COL9A1: variants seen among roughly 807,000 people sequenced by gnomAD.
COL9A1 encodes collagen type IX alpha 1 chain.
COL9A1 carries 104 observed loss-of-function variants against 142.6 expected under a neutral mutation model. The observed-to-expected ratio is 0.73, with a 90% CI of 0.62 to 0.86. COL9A1 has a LOEUF of 0.86. Among genes scored for constraint, COL9A1 ranks in the 40% least tolerant of loss-of-function variants. The pLI is 0.00. For missense variants in COL9A1, 1,210 were observed against 1,176.6 expected (o/e 1.03, Z -0.42); for synonymous variants, 466 against 396.0 (o/e 1.18, Z -2.10).
In COL9A1 at chr6:70,300,433, A is replaced by T. The variant is rs760589615; in HGVS notation, c.89-47T>A. ...ATTCTACTTCATCCACTCTAACTTAAAGTATAATAATAATAAAATAAAATA... is the reference window on the plus strand; with the variant it reads ...ATTCTACTTCATCCACTCTAACTTATAGTATAATAATAATAAAATAAAATA... On this transcript the variant is annotated intron_variant, in intron 2 of 37. Transcript: ENST00000357250. The T allele has an allele frequency of 1.3e-5, 11 of 867,772 alleles. No individual in the cohort carries two copies. In the Admixed American group the frequency reaches 2.0e-4, roughly 16 times the overall value. 53.8% of individuals were successfully genotyped at this position (867,772 alleles called of 1,614,324 possible). A position where few individuals can be genotyped will look rare whatever the true frequency, so the allele number is the denominator to read the frequency against.
Position 70,281,410 on chromosome 6 carries a change from G to A in COL9A1, c.856C>T (p.Pro286Ser). 1 of 1,612,136 alleles carries A rather than the reference G, an allele frequency of 6.2e-7. No homozygotes were observed. Among genetic ancestry groups the A allele is most frequent in the Non-Finnish European group, 8.5e-7 (1 of 1,179,218 alleles). The change falls in exon 8 of 38, where the codon CCA (proline) becomes TCA (serine). Residue 286 changes from proline to serine, a missense_variant. Transcript: ENST00000357250. ...CTTACGTCGATGCCATCGATGCCTG[G>A]AACTCCAGGGGGGCCCGGAGGCCCG... Reference protein sequence around the residue: ...PPGPPGPPGVPGIDGIDGDRG... With the variant: ...PPGPPGPPGVSGIDGIDGDRG...
chr6:70,260,782 C>T, intron 19 of COL9A1, 72 bp from the exon 20 acceptor site: 2 of 1,428,804 alleles, frequency 1.4e-6, no homozygotes, highest in Non-Finnish European at 2.0e-6. Flanking sequence ...ATCACAAAAG[C>T]TGATCTAGAC....
At chr6:70,229,275 C>T (rs1769404596) in intron 36 of COL9A1, among the ~76,000 whole-genome samples, 1 of 152,118 alleles carries the variant, frequency 6.6e-6, no homozygotes, top group African/African-American at 2.4e-5. Context: ...AAACCCTGAT[C>T]ATGTCTTATT....
chr6:70,244,721 G>A (rs1036219080), intron 28 of COL9A1, among the ~76,000 whole-genome samples: 6 of 152,150 alleles, frequency 3.9e-5, no homozygotes, highest in African/African-American at 1.4e-4. Flanking sequence ...ATTAAAATAA[G>A]AGATTGTATA....
chr6:70,237,582 T>C (rs1038491191), intron 33 of COL9A1, among the ~76,000 whole-genome samples: 5 of 152,226 alleles, frequency 3.3e-5, no homozygotes, highest in African/African-American at 9.6e-5. Flanking sequence ...ATTAACTTAT[T>C]CTTGTCACTG....
At chr6:70,241,856 G>T in intron 30 of COL9A1, 108 bp downstream of exon 30, 1 of 962,644 alleles carries the variant, frequency 1.0e-6, no homozygotes, top group Non-Finnish European at 1.6e-6. Flanking sequence ...AGCTGTTTAT[G>T]ATAAATTCTA....
At chr6:70,229,545 A>AAT (rs1430075043) in intron 36 of COL9A1, among the ~76,000 whole-genome samples, 3 of 152,202 alleles carry the variant, frequency 2.0e-5, no homozygotes, top group Non-Finnish European at 4.4e-5. Context: ...GAAAGGTGTT[A>AAT]GTCATAATTA....
At chr6:70,215,900 C>T (rs1252569925), downstream of COL9A1, 1 of 134,974 alleles carries the variant, frequency 7.4e-6, no homozygotes, top group Non-Finnish European at 1.6e-5. Flanking sequence ...AAGCTCTCTC[C>T]ATACACACTA....
intron 28 of COL9A1, among the ~76,000 whole-genome samples, chr6:70,247,541 A>C (rs1770680796): frequency 6.6e-6 from 1 of 152,204 alleles, no homozygotes; most frequent in Admixed American, 6.5e-5. Context: ...AAATCACTAT[A>C]CTTAGTCTGT....
At chr6:70,267,319 G>GTTTTTTTGTTT (rs1772080612) in intron 17 of COL9A1, among the ~76,000 whole-genome samples, 1 of 99,692 alleles carries the variant, frequency 1.0e-5, no homozygotes, top group African/African-American at 4.1e-5. Context: ...TGTTTGTTTG[G>GTTTTTTTGTTT]TTTTTTTGTT....
At chr6:70,219,593 G>T (rs191756110) in intron 37 of COL9A1, among the ~76,000 whole-genome samples, 14 of 152,326 alleles carry the variant, frequency 9.2e-5, no homozygotes, top group Admixed American at 2.0e-4. Context: ...CAAATGCAAT[G>T]AAATTTGGCC....
chr6:70,262,594 A>G (rs1771762196), intron 19 of COL9A1, among the ~76,000 whole-genome samples: 1 of 152,208 alleles, frequency 6.6e-6, no homozygotes, highest in Admixed American at 6.5e-5. Flanking sequence ...TTCAATTATT[A>G]TTTCCAAAAT....
chr6:70,274,911 T>C, intron 10 of COL9A1, 139 bp from the exon 11 acceptor site: 1 of 681,116 alleles, frequency 1.5e-6, no homozygotes, highest in East Asian at 2.7e-5. Flanking sequence ...AAGAAATACC[T>C]TACTATAGTC....
intron 20 of COL9A1, among the ~76,000 whole-genome samples, chr6:70,259,407 C>T (rs1054341221): frequency 6.6e-6 from 1 of 152,110 alleles, no homozygotes; most frequent in Admixed American, 6.5e-5. Context: ...TATAAATTAA[C>T]TTTCCTAACA....
At chr6:70,278,431 T>A (rs1772908078) in intron 10 of COL9A1, among the ~76,000 whole-genome samples, 1 of 152,252 alleles carries the variant, frequency 6.6e-6, no homozygotes, top group African/African-American at 2.4e-5. Context: ...TAGACTAATC[T>A]ACTTTCCAGG....
At chr6:70,299,015 G>GA (rs921554334) in intron 4 of COL9A1, among the ~76,000 whole-genome samples, 13 of 151,194 alleles carry the variant, frequency 8.6e-5, no homozygotes, top group African/African-American at 3.1e-4. Flanking sequence ...CCTGATTTAA[G>GA]AAAAAAAAGG....
At chr6:70,260,847 T>C (rs1002168754) in intron 19 of COL9A1, 137 bp from the exon 20 acceptor site, 5 of 697,684 alleles carry the variant, frequency 7.2e-6, no homozygotes, top group African/African-American at 5.5e-5. Context: ...TATATATATA[T>C]AGACAAACAT....
chr6:70,244,324 C>T (rs1485166981), intron 28 of COL9A1, among the ~76,000 whole-genome samples: 1 of 152,192 alleles, frequency 6.6e-6, no homozygotes, highest in Non-Finnish European at 1.5e-5. Context: ...AGGGTGGATA[C>T]TGGGAGAATG....
At chr6:70,267,319 G>GTTT (rs1050364230) in intron 17 of COL9A1, among the ~76,000 whole-genome samples, 3 of 99,678 alleles carry the variant, frequency 3.0e-5, no homozygotes, top group Non-Finnish European at 6.6e-5. Flanking sequence ...TGTTTGTTTG[G>GTTT]TTTTTTTGTT....
Sources: allele counts gnomAD v4.1 joint callset (sites outside exome capture counted in the v4.1 genomes callset), GRCh38; gene constraint gnomAD v4.1.1; transcripts MANE v1.5; gene names NCBI Gene and HGNC (gene_info 2026-07-23, HGNC 2026-07-21).